Variants in PSD3 observed in about 807,000 individuals in gnomAD.
The protein encoded by PSD3 is pleckstrin and Sec7 domain containing 3.
A neutral mutation model predicts 105.5 loss-of-function variants in PSD3; 49 were observed. That is an observed-to-expected ratio of 0.46 (90% CI 0.37 to 0.59). PSD3 has a LOEUF of 0.59. Among genes scored for constraint, PSD3 ranks in the 20% least tolerant of loss-of-function variants. The pLI is 0.00. For missense variants in PSD3, 1,561 were observed against 1,263.8 expected (o/e 1.24, Z -3.57); for synonymous variants, 557 against 457.8 (o/e 1.22, Z -2.77).
At chr8:18,936,757 CAA>C (rs200767893) in intron 1 of PSD3, among the ~76,000 whole-genome samples, 11 of 125,580 alleles carry the variant, frequency 8.8e-5, no homozygotes, top group Non-Finnish European at 6.8e-5. Flanking sequence ...GACTCCATCT[CAA>C]AAAAAAAAAA....
Position 18,556,148 on chromosome 8 carries a change from C to T in PSD3, c.2928+61G>A. The T allele has an allele frequency of 2.5e-6, 4 of 1,583,926 alleles. No homozygotes were observed. In the South Asian group the frequency reaches 4.6e-5, roughly 18 times the overall value. On this transcript the variant is annotated intron_variant, in intron 15 of 15. Coordinates refer to ENST00000327040, the MANE Select transcript of PSD3 (RefSeq NM_015310.4). ...GACACTGCAAAGAAAGATACCGCCT[C>T]ATGGACAGATCATAAGAAAACTCAG... is the stretch of plus-strand genomic sequence containing the variant.
At chr8:18,624,442 T>C (rs1806335115) in intron 11 of PSD3, among the ~76,000 whole-genome samples, 1 of 149,882 alleles carries the variant, frequency 6.7e-6, no homozygotes, top group South Asian at 2.1e-4. Context: ...TCTACTGAGT[T>C]GTATTTTTTA....
At chr8:18,995,410 C>A (rs1442155025) in intron 1 of PSD3, among the ~76,000 whole-genome samples, 1 of 152,008 alleles carries the variant, frequency 6.6e-6, no homozygotes, top group Non-Finnish European at 1.5e-5. Flanking sequence ...ATGCTATCAA[C>A]AAATGCTACA....
chr8:18,828,047 G>GTATATATATA (rs368464281), intron 4 of PSD3, among the ~76,000 whole-genome samples: 32 of 126,378 alleles, frequency 2.5e-4, no homozygotes, highest in African/African-American at 8.4e-4. Context: ...ATATATATAT[G>GTATATATATA]TATATATATA....
chr8:18,908,301 AT>A (rs1389046213), intron 2 of PSD3, among the ~76,000 whole-genome samples: 3 of 152,224 alleles, frequency 2.0e-5, no homozygotes, highest in Non-Finnish European at 2.9e-5. Flanking sequence ...TTAAATCACC[AT>A]TTTTTGGATT....
chr8:18,634,276 T>G (rs1807101596), intron 10 of PSD3, among the ~76,000 whole-genome samples: 1 of 152,100 alleles, frequency 6.6e-6, no homozygotes, highest in Admixed American at 6.6e-5. Flanking sequence ...TTTTCTCTTT[T>G]GGTATTTTAT....
intron 8 of PSD3, among the ~76,000 whole-genome samples, chr8:18,766,018 T>C (rs1806967856): frequency 6.7e-6 from 1 of 150,050 alleles, no homozygotes; most frequent in African/African-American, 2.5e-5. Flanking sequence ...ACAAATAACA[T>C]AACTAGACAT....
intron 1 of PSD3, among the ~76,000 whole-genome samples, chr8:18,954,919 A>C (rs1281368581): frequency 6.6e-6 from 1 of 152,140 alleles, no homozygotes; most frequent in Non-Finnish European, 1.5e-5. Context: ...CAACTTTGTA[A>C]GTGACGTCAC....
intron 9 of PSD3, among the ~76,000 whole-genome samples, chr8:18,674,501 G>A (rs1378569779): frequency 6.6e-6 from 1 of 152,130 alleles, no homozygotes; most frequent in Admixed American, 6.5e-5. Context: ...GTGGAGTTTA[G>A]GTGGGTGTAA....
At chr8:19,006,103 G>A (rs1396572411) in intron 1 of PSD3, among the ~76,000 whole-genome samples, 1 of 151,382 alleles carries the variant, frequency 6.6e-6, no homozygotes, top group African/African-American at 2.4e-5. Flanking sequence ...GATCATCCTG[G>A]GCCAAAATGG....
intron 4 of PSD3, among the ~76,000 whole-genome samples, chr8:18,813,036 A>G (rs1811829961): frequency 6.6e-6 from 1 of 152,196 alleles, no homozygotes; most frequent in Non-Finnish European, 1.5e-5. Context: ...AGGTATCAGA[A>G]TAGTACAGTC....
intron 8 of PSD3, among the ~76,000 whole-genome samples, chr8:18,789,187 G>A (rs1563269592): frequency 6.6e-6 from 1 of 152,146 alleles, no homozygotes; most frequent in Non-Finnish European, 1.5e-5. Context: ...CAGAGATACT[G>A]TTCCAGATGT....
At chr8:18,623,721 C>T in intron 11 of PSD3, among the ~76,000 whole-genome samples, 1 of 151,468 alleles carries the variant, frequency 6.6e-6, no homozygotes, top group East Asian at 1.9e-4. Context: ...TATACATGTA[C>T]TACCGCCAAA....
intron 9 of PSD3, among the ~76,000 whole-genome samples, chr8:18,736,503 A>G (rs184956981): frequency 2.1e-4 from 32 of 152,334 alleles, no homozygotes; most frequent in African/African-American, 7.0e-4. Flanking sequence ...ACTGTTTACT[A>G]AAACTAGAGT....
intron 1 of PSD3, among the ~76,000 whole-genome samples, chr8:18,955,257 T>C (rs1256914642): frequency 1.3e-5 from 2 of 152,094 alleles, no homozygotes; most frequent in Admixed American, 6.5e-5. Context: ...TTTGTGTTTT[T>C]AGAGACAGGG....
At chr8:18,979,811 T>C (rs1315700629) in intron 1 of PSD3, 1 of 152,598 alleles carries the variant, frequency 6.6e-6, no homozygotes, top group Non-Finnish European at 1.5e-5. Flanking sequence ...TATACTCTCC[T>C]ACTGTAAAAT....
intron 4 of PSD3, among the ~76,000 whole-genome samples, chr8:18,851,764 C>T (rs1815591435): frequency 6.6e-6 from 1 of 152,242 alleles, no homozygotes; most frequent in Admixed American, 6.5e-5. Flanking sequence ...TCTGCAACAA[C>T]AAGGCAGTTT....
rs140663305 is a variant in PSD3 at position 18,560,582 on chromosome 8, C to G, written c.2785-4230G>C. Among the ~76,000 whole-genome samples the G allele has an allele frequency of 1.8e-3, 276 of 151,898 alleles. 1 individual carries two copies. The highest frequency in any genetic ancestry group is 6.4e-3 in the African/African-American group (266 of 41,416). On this transcript the variant is annotated intron_variant, in intron 14 of 15. Transcript: ENST00000327040. ...AAAATGAAATTGAAAATACTAGATA[C>G]AAGAAAAGTTGTTGTGGTTATATGT...
intron 10 of PSD3, among the ~76,000 whole-genome samples, chr8:18,648,771 C>T (rs77614691): frequency 0.016 from 2,506 of 152,288 alleles, 54 homozygotes; most frequent in East Asian, 0.086. Flanking sequence ...GGCCAGTCCC[C>T]GGGAAGTTTC....
Sources: gnomAD v4.1 joint callset for allele counts (sites outside exome capture counted in the v4.1 genomes callset) on GRCh38, gnomAD v4.1.1 for gene constraint, MANE v1.5 for transcripts, NCBI Gene and HGNC (gene_info 2026-07-23, HGNC 2026-07-21) for gene names.